Variants in MED15 observed in about 807,000 individuals in gnomAD.
MED15 encodes mediator of RNA polymerase II transcription subunit 15.
Under a neutral mutation model 118.7 loss-of-function variants are expected in MED15, and 41 were observed. That is an observed-to-expected ratio of 0.35 (90% CI 0.27 to 0.45). MED15 has a LOEUF of 0.45. MED15 is among the 20% of genes least tolerant of loss of function. The pLI is 1.00. For synonymous variants in MED15, 436 were observed against 413.9 expected, an observed-to-expected ratio of 1.05 and a Z score of -0.65; for missense variants, 740 against 1,025.5, an observed-to-expected ratio of 0.72 and a Z score of 3.80.
At chr22:20,508,488 G>A (rs2053952277) in intron 1 of MED15, 2 of 1,130,808 alleles carry the variant, frequency 1.8e-6, no homozygotes, top group Non-Finnish European at 2.4e-6. Flanking sequence ...CAGGTGGGCT[G>A]AGTCCGAAAA....
intron 1 of MED15, among the ~76,000 whole-genome samples, chr22:20,530,208 C>T (rs2054803978): frequency 6.6e-6 from 1 of 152,096 alleles, no homozygotes; most frequent in Non-Finnish European, 1.5e-5. Flanking sequence ...GGCTCCTGTC[C>T]CAGGTGGGCA....
intron 1 of MED15, among the ~76,000 whole-genome samples, chr22:20,534,158 C>G (rs2054966442): frequency 6.6e-6 from 1 of 152,086 alleles, no homozygotes; most frequent in Non-Finnish European, 1.5e-5. Flanking sequence ...CATCTGCCAC[C>G]CACAGCCTCC....
intron 1 of MED15, among the ~76,000 whole-genome samples, chr22:20,523,310 C>T (rs1401909001): frequency 9.2e-5 from 14 of 151,940 alleles, no homozygotes; most frequent in Admixed American, 5.9e-4. Context: ...GTGGATCATG[C>T]ACAATCATCC....
chr22:20,525,305 A>T (rs2054593729), intron 1 of MED15, among the ~76,000 whole-genome samples: 2 of 149,752 alleles, frequency 1.3e-5, no homozygotes, highest in South Asian at 2.1e-4. Flanking sequence ...AAGAAAGGTG[A>T]ACATGAGTTT....
Position 20,537,149 on chromosome 22 carries a change from A to G in MED15, c.101A>G (p.His34Arg). The G allele has an allele frequency of 1.2e-6, 2 of 1,614,000 alleles. 1 individual carries two copies. Among genetic ancestry groups the G allele is most frequent in the South Asian group, 2.2e-5 (2 of 91,084 alleles). Residue 34 changes from histidine (H) to arginine (R), a missense_variant, in exon 2 of 18, where the codon CAC (histidine) becomes CGC (arginine). By Grantham distance (29) the His-to-Arg change is conservative. Coordinates refer to ENST00000263205, the MANE Select transcript of MED15 (RefSeq NM_001003891.3). ...GCCATGAGGAAAGCTGGTGTGGCAC[A>G]CAGTAAATCCAGCAAGGATATGGAG... is the stretch of plus-strand genomic sequence containing the variant. ...EDAMRKAGVA[H>R]SKSSKDMESH...
At chr22:20,536,183 TC>T (rs1238060189) in intron 1 of MED15, among the ~76,000 whole-genome samples, 14 of 152,178 alleles carry the variant, frequency 9.2e-5, no homozygotes, top group African/African-American at 3.1e-4. Context: ...GCCACTTGTT[TC>T]TTTATCAGCA....
intron 1 of MED15, among the ~76,000 whole-genome samples, chr22:20,532,999 C>T (rs1038458072): frequency 1.3e-5 from 2 of 152,078 alleles, no homozygotes; most frequent in Non-Finnish European, 2.9e-5. Context: ...GACAGTGGCT[C>T]GAAGGGTTTT....
intron 2 of MED15, among the ~76,000 whole-genome samples, chr22:20,539,384 T>A (rs1406008374): frequency 6.6e-6 from 1 of 152,270 alleles, no homozygotes; most frequent in Non-Finnish European, 1.5e-5. Flanking sequence ...GTACTGGGAT[T>A]ACAGACGTGA....
intron 2 of MED15, among the ~76,000 whole-genome samples, chr22:20,541,514 C>G (rs141587483): frequency 6.6e-6 from 1 of 152,156 alleles, no homozygotes; most frequent in Non-Finnish European, 1.5e-5. Flanking sequence ...GAGACAGTCT[C>G]GCTCTGTCGC....
At chr22:20,547,324 TAA>T (rs2055583160) in intron 2 of MED15, among the ~76,000 whole-genome samples, 1 of 152,216 alleles carries the variant, frequency 6.6e-6, no homozygotes, top group South Asian at 2.1e-4. Context: ...GCCACCAACT[TAA>T]TATTCAGCTC....
At chr22:20,524,167 G>A (rs1030347769) in intron 1 of MED15, 1 of 152,250 alleles carries the variant, frequency 6.6e-6, no homozygotes, top group Non-Finnish European at 1.5e-5. Flanking sequence ...TTTGACAAAT[G>A]TGCTCCCAGC....
intron 1 of MED15, among the ~76,000 whole-genome samples, chr22:20,525,292 CAAAAG>C (rs1601473142): frequency 1.3e-5 from 2 of 151,556 alleles, no homozygotes; most frequent in Admixed American, 6.6e-5. Flanking sequence ...GTCTCAAAAA[CAAAAG>C]AAAGGTGAAC....
chr22:20,513,591 C>A (rs774241465), intron 1 of MED15, among the ~76,000 whole-genome samples: 1 of 152,014 alleles, frequency 6.6e-6, no homozygotes. Flanking sequence ...CTTTCTTAAT[C>A]GTGTCCCTCA....
intron 5 of MED15, among the ~76,000 whole-genome samples, chr22:20,557,595 T>C (rs1458343089): frequency 6.6e-6 from 1 of 152,166 alleles, no homozygotes; most frequent in Non-Finnish European, 1.5e-5. Context: ...CATGAGCTTA[T>C]ACTTGATAAT....
chr22:20,566,619 G>A lies in MED15; in HGVS notation c.843G>A (p.Pro281=), dbSNP rs201001092. The change falls in exon 7 of 18, where the codon CCG becomes CCA. Residue 281 remains proline, a synonymous_variant. Transcript: ENST00000263205. ...QQPPMQQPQP[P]PSQALPQQLQ... ...CACCGATGCAGCAGCCACAGCCTCC[G>A]CCCTCCCAGGCTCTGCCCCAGCAGC... 6 of 1,613,904 alleles carry A rather than the reference G, an allele frequency of 3.7e-6. No homozygotes were observed. In the Admixed American group the frequency reaches 5.0e-5, roughly 13 times the overall value.
At chr22:20,523,842 A>C (rs2054543140) in intron 1 of MED15, 1 of 985,228 alleles carries the variant, frequency 1.0e-6, no homozygotes. Context: ...GAAGGGCAGC[A>C]GCCTTTTCTG....
chr22:20,564,376 C>G, intron 5 of MED15, 74 bp from the exon 6 acceptor site: 10 of 1,578,086 alleles, frequency 6.3e-6, no homozygotes, highest in Non-Finnish European at 8.6e-6. Context: ...CTGTTTTGTC[C>G]CTTGCTGTGC....
At chr22:20,513,091 A>G (rs188218523) in intron 1 of MED15, among the ~76,000 whole-genome samples, 108 of 151,770 alleles carry the variant, frequency 7.1e-4, no homozygotes, top group Admixed American at 2.3e-3. Flanking sequence ...TTTTTTTAAG[A>G]GACAGGGTCT....
At chr22:20,563,791 A>G (rs1249838408) in intron 5 of MED15, among the ~76,000 whole-genome samples, 2 of 152,146 alleles carry the variant, frequency 1.3e-5, no homozygotes, top group Non-Finnish European at 2.9e-5. Flanking sequence ...CATACAATTC[A>G]CCCATCTGAA....
Sources: gnomAD v4.1 joint callset for allele counts (sites outside exome capture counted in the v4.1 genomes callset) on GRCh38, gnomAD v4.1.1 for gene constraint, MANE v1.5 for transcripts, NCBI Gene and HGNC (gene_info 2026-07-23, HGNC 2026-07-21) for gene names.